Variants in PTPRD observed in about 807,000 individuals in gnomAD.
The protein encoded by PTPRD is protein tyrosine phosphatase receptor type D.
A neutral mutation model predicts 214.5 loss-of-function variants in PTPRD; 34 were observed. The observed-to-expected ratio is 0.16, with a 90% CI of 0.12 to 0.21. The LOEUF (loss-of-function observed/expected upper bound fraction) is 0.21. PTPRD is among the 10% of genes least tolerant of loss of function. The pLI is 1.00. For synonymous variants in PTPRD, 1,128 were observed against 845.7 expected, an observed-to-expected ratio of 1.33 and a Z score of -5.79; for missense variants, 2,545 against 2,398.7, an observed-to-expected ratio of 1.06 and a Z score of -1.27.
At chr9:8,901,104 C>G (rs908331497) in intron 11 of PTPRD, among the ~76,000 whole-genome samples, 1 of 152,062 alleles carries the variant, frequency 6.6e-6, no homozygotes, top group Non-Finnish European at 1.5e-5. Flanking sequence ...TAAGAAAGGG[C>G]AAAACACAAG....
At chr9:10,556,339 A>G (rs1289213685) in intron 2 of PTPRD, among the ~76,000 whole-genome samples, 1 of 152,082 alleles carries the variant, frequency 6.6e-6, no homozygotes, top group Non-Finnish European at 1.5e-5. Flanking sequence ...TTTAGGAAAA[A>G]AAAACATGGA....
intron 11 of PTPRD, among the ~76,000 whole-genome samples, chr9:8,739,306 A>T (rs2154443311): frequency 6.6e-6 from 1 of 152,360 alleles, no homozygotes; most frequent in African/African-American, 2.4e-5. Context: ...ATTTTCCAAG[A>T]GAAGGGAGCC....
At chr9:8,512,378 T>C (rs2097699909) in intron 21 of PTPRD, among the ~76,000 whole-genome samples, 1 of 152,090 alleles carries the variant, frequency 6.6e-6, no homozygotes. Context: ...TATAGTTGTA[T>C]TTATATCCAG....
At chr9:8,531,839 T>C (rs559636153) in intron 14 of PTPRD, among the ~76,000 whole-genome samples, 1 of 152,078 alleles carries the variant, frequency 6.6e-6, no homozygotes, top group South Asian at 2.1e-4. Context: ...ACCAAAGAAA[T>C]CTAGATTTAA....
At chr9:8,722,866 CAA>C (rs1343178951) in intron 12 of PTPRD, among the ~76,000 whole-genome samples, 6 of 152,250 alleles carry the variant, frequency 3.9e-5, no homozygotes, top group Admixed American at 3.3e-4. Context: ...TTTTATTTAC[CAA>C]AGTCTTTGGT....
chr9:9,337,506 G>C (rs2045026376), intron 9 of PTPRD, among the ~76,000 whole-genome samples: 1 of 152,084 alleles, frequency 6.6e-6, no homozygotes, highest in Non-Finnish European at 1.5e-5. Flanking sequence ...ATTTTACTTA[G>C]AGTTATGTTT....
At chr9:9,701,129 T>C (rs913473206) in intron 7 of PTPRD, among the ~76,000 whole-genome samples, 4 of 152,056 alleles carry the variant, frequency 2.6e-5, no homozygotes, top group African/African-American at 9.7e-5. Context: ...TACACAGGCA[T>C]TGAGAGATGT....
In PTPRD at chr9:8,386,179, T is replaced by C. The variant is rs542511435; in HGVS notation, c.4386+3053A>G. ...TGAGAATTTGAGGAGTCAAGTAAAC[T>C]TGCTCATTGTCACACAGCTAGTAGA... On this transcript the variant is annotated intron_variant, in intron 37 of 45. Coordinates refer to ENST00000381196, the MANE Select transcript of PTPRD (RefSeq NM_002839.4). 2.4e-4 allele frequency among the ~76,000 whole-genome samples: 36 copies of C among 152,308 alleles called. 1 individual carries two copies. Among genetic ancestry groups the C allele is most frequent in the Admixed American group, 1.5e-3 (23 of 15,294 alleles).
intron 21 of PTPRD, among the ~76,000 whole-genome samples, chr9:8,516,974 G>C (rs947660855): frequency 7.2e-5 from 11 of 151,792 alleles, no homozygotes; most frequent in African/African-American, 2.2e-4. Flanking sequence ...ACCATGCCCA[G>C]CTAATTTTTG....
intron 9 of PTPRD, among the ~76,000 whole-genome samples, chr9:9,209,999 T>C (rs2099947490): frequency 6.6e-6 from 1 of 152,210 alleles, no homozygotes; most frequent in Non-Finnish European, 1.5e-5. Context: ...TATCACGCAG[T>C]AGATTTGTGT....
At chr9:8,804,884 T>A (rs911078551) in intron 11 of PTPRD, among the ~76,000 whole-genome samples, 1 of 152,178 alleles carries the variant, frequency 6.6e-6, no homozygotes, top group Non-Finnish European at 1.5e-5. Flanking sequence ...TGTGATGTTT[T>A]AACACCTCCC....
intron 9 of PTPRD, among the ~76,000 whole-genome samples, chr9:9,302,601 C>CTTTTTTTTTTTTTTT (rs3047853): frequency 1.5e-4 from 17 of 111,884 alleles, no homozygotes; most frequent in Admixed American, 3.1e-4. Context: ...TTTTTTTTTT[C>CTTTTTTTTTTTTTTT]TTTTTTTTTT....
chr9:10,081,372 A>T (rs291321), intron 3 of PTPRD, among the ~76,000 whole-genome samples: 1 of 151,878 alleles, frequency 6.6e-6, no homozygotes, highest in Non-Finnish European at 1.5e-5. Flanking sequence ...GAACGCTTGT[A>T]TCCCCTCCAA....
chr9:8,875,632 A>C (rs1214050172), intron 11 of PTPRD, among the ~76,000 whole-genome samples: 3 of 152,022 alleles, frequency 2.0e-5, no homozygotes, highest in Non-Finnish European at 4.4e-5. Context: ...TTATAAGATA[A>C]GCAGATTTAG....
rs2096593204 is a variant in PTPRD at position 8,468,708 on chromosome 9, A to C, written c.3504+2287T>G. ...GCCTTTCTGAAAAATTACTTGATCA[A>C]ATACATTTAAGAGAGGAACACTGCT... On this transcript the variant is annotated intron_variant, in intron 31 of 45. Transcript: ENST00000381196. Among the ~76,000 whole-genome samples the C allele has an allele frequency of 4.6e-5, 7 of 151,786 alleles. No individual in the cohort carries two copies. In the South Asian group the frequency reaches 1.5e-3, roughly 31 times the overall value.
At chr9:9,678,492 T>G (rs1463963401) in intron 7 of PTPRD, among the ~76,000 whole-genome samples, 1 of 151,794 alleles carries the variant, frequency 6.6e-6, no homozygotes, top group African/African-American at 2.4e-5. Flanking sequence ...TTATGTAATT[T>G]TTAAGAGCTC....
intron 10 of PTPRD, among the ~76,000 whole-genome samples, chr9:9,136,473 A>G (rs2099851067): frequency 6.6e-6 from 1 of 152,180 alleles, no homozygotes; most frequent in African/African-American, 2.4e-5. Context: ...AAAGTGGTAA[A>G]AAACGCAATT....
intron 2 of PTPRD, among the ~76,000 whole-genome samples, chr9:10,499,108 T>A (rs2042916277): frequency 6.6e-6 from 1 of 151,978 alleles, no homozygotes; most frequent in Non-Finnish European, 1.5e-5. Flanking sequence ...TATATCTCAG[T>A]TAATGTTACA....
chr9:9,930,659 T>C (rs1237412822), intron 5 of PTPRD, among the ~76,000 whole-genome samples: 2 of 152,152 alleles, frequency 1.3e-5, no homozygotes, highest in East Asian at 1.9e-4. Flanking sequence ...TGATGAAAGA[T>C]AGCATTGAGT....
Sources: allele counts gnomAD v4.1 joint callset (sites outside exome capture counted in the v4.1 genomes callset), GRCh38; gene constraint gnomAD v4.1.1; transcripts MANE v1.5; gene names NCBI Gene and HGNC (gene_info 2026-07-23, HGNC 2026-07-21).